PTPRD: variants seen among roughly 807,000 people sequenced by gnomAD.
PTPRD encodes the protein receptor-type tyrosine-protein phosphatase delta.
Under a neutral mutation model 214.5 loss-of-function variants are expected in PTPRD, and 34 were observed. The ratio of observed to expected loss-of-function variants is 0.16; its 90% CI spans 0.12 to 0.21. PTPRD has a LOEUF of 0.21. Ranked by LOEUF, PTPRD falls within the 10% of genes least tolerant of loss-of-function variation. PTPRD has a pLI of 1.00. For missense variants in PTPRD, 2,545 were observed against 2,398.7 expected (o/e 1.06, Z -1.27); for synonymous variants, 1,128 against 845.7 (o/e 1.33, Z -5.79).
At chr9:10,163,972 A>G (rs2099143853) in intron 3 of PTPRD, among the ~76,000 whole-genome samples, 1 of 151,480 alleles carries the variant, frequency 6.6e-6, no homozygotes. Context: ...ATTGTAGTCT[A>G]TATGGCAATG....
At chr9:8,382,930 G>A (rs1345876637) in intron 37 of PTPRD, among the ~76,000 whole-genome samples, 2 of 152,164 alleles carry the variant, frequency 1.3e-5, no homozygotes, top group East Asian at 1.9e-4. Context: ...ACACAAACCT[G>A]GCATTTGGAA....
chr9:9,096,190 G>A (rs2099783249), intron 10 of PTPRD, among the ~76,000 whole-genome samples: 1 of 152,156 alleles, frequency 6.6e-6, no homozygotes, highest in African/African-American at 2.4e-5. Flanking sequence ...AATTGTATTT[G>A]ACATGAGATT....
At chr9:10,168,901 A>G (rs1007499513) in intron 3 of PTPRD, among the ~76,000 whole-genome samples, 46 of 152,330 alleles carry the variant, frequency 3.0e-4, no homozygotes, top group African/African-American at 1.0e-3. Context: ...TAGGGCAAAC[A>G]GAATTTAATT....
chr9:8,681,334 A>T (rs896733105), intron 12 of PTPRD, among the ~76,000 whole-genome samples: 6 of 152,222 alleles, frequency 3.9e-5, no homozygotes, highest in Admixed American at 3.3e-4. Flanking sequence ...AGAAACTGAG[A>T]GAACTATAGC....
intron 3 of PTPRD, among the ~76,000 whole-genome samples, chr9:10,150,711 A>C (rs1026468560): frequency 2.7e-5 from 4 of 146,518 alleles, no homozygotes; most frequent in Non-Finnish European, 5.9e-5. Flanking sequence ...AAAAAGAAAC[A>C]AAAAAAAAGA....
At chr9:9,336,019 G>C (rs1443120297) in intron 9 of PTPRD, among the ~76,000 whole-genome samples, 3 of 151,862 alleles carry the variant, frequency 2.0e-5, no homozygotes, top group African/African-American at 7.3e-5. Flanking sequence ...AGGAAAAAAT[G>C]CACAAACTCA....
At chr9:8,823,672 AAAAGGAAAGGG>A (rs371862917) in intron 11 of PTPRD, among the ~76,000 whole-genome samples, 1,539 of 116,164 alleles carry the variant, frequency 0.013, 22 homozygotes, top group African/African-American at 0.05. Flanking sequence ...AGGGAAAGGG[AAAAGGAAAGGG>A]AAAGGAAAGG....
At chr9:9,505,106 C>T (rs951693263) in intron 8 of PTPRD, among the ~76,000 whole-genome samples, 2 of 151,522 alleles carry the variant, frequency 1.3e-5, no homozygotes, top group South Asian at 2.1e-4. Flanking sequence ...GATTGCCCTT[C>T]TGGACTTTTC....
At chr9:10,047,101 G>A (rs774379955) in intron 3 of PTPRD, among the ~76,000 whole-genome samples, 2 of 151,748 alleles carry the variant, frequency 1.3e-5, no homozygotes, top group Non-Finnish European at 2.9e-5. Flanking sequence ...CTCACCTATA[G>A]TTTGAATATT....
At chr9:8,358,012 T>C (rs376628709) in intron 39 of PTPRD, among the ~76,000 whole-genome samples, 3 of 152,340 alleles carry the variant, frequency 2.0e-5, no homozygotes, top group African/African-American at 7.2e-5. Context: ...TTTTTTAGTC[T>C]ATACATACAG....
In PTPRD at chr9:10,441,547, G is replaced by C. The variant is rs2098758359; in HGVS notation, c.-599-100530C>G. Among the ~76,000 whole-genome samples, 3 of 148,478 alleles carry C rather than the reference G, an allele frequency of 2.0e-5. No individual in the cohort carries two copies. The Admixed American group carries it at 2.0e-4, about 10-fold the overall frequency. ...AAACTTTCCAATTGCTTCCAATAAA[G>C]TATTTTTTTTTCCTTTCTGTTCTCA... On this transcript the variant is annotated intron_variant, in intron 2 of 45. Transcript: ENST00000381196.
chr9:10,420,755 T>A (rs1178856214), intron 2 of PTPRD, among the ~76,000 whole-genome samples: 1 of 151,944 alleles, frequency 6.6e-6, no homozygotes, highest in Non-Finnish European at 1.5e-5. Flanking sequence ...ATTTTCTTAT[T>A]CATTCTAAAG....
intron 4 of PTPRD, among the ~76,000 whole-genome samples, chr9:9,943,955 T>A (rs1440793642): frequency 6.6e-6 from 1 of 152,190 alleles, no homozygotes; most frequent in East Asian, 1.9e-4. Context: ...CCTACATATT[T>A]CATTAACAGC....
At chr9:9,120,829 C>G (rs555515694) in intron 10 of PTPRD, among the ~76,000 whole-genome samples, 1 of 152,260 alleles carries the variant, frequency 6.6e-6, no homozygotes, top group East Asian at 1.9e-4. Context: ...TAGATTGTGA[C>G]AGCTAAGTCT....
At chr9:8,834,007 A>C (rs975680917) in intron 11 of PTPRD, among the ~76,000 whole-genome samples, 1 of 151,404 alleles carries the variant, frequency 6.6e-6, no homozygotes, top group African/African-American at 2.4e-5. Flanking sequence ...AATTTTTATA[A>C]TTTCTCACAT....
chr9:10,410,253 G>GTATATATATATATATATATATA (rs34284610), intron 2 of PTPRD, among the ~76,000 whole-genome samples: 174 of 126,806 alleles, frequency 1.4e-3, no homozygotes, highest in East Asian at 4.9e-3. Flanking sequence ...CATATTTTGT[G>GTATATATATATATATATATATA]TATATATATA....
chr9:10,148,086 T>G (rs544044568), intron 3 of PTPRD, among the ~76,000 whole-genome samples: 1 of 152,198 alleles, frequency 6.6e-6, no homozygotes, highest in African/African-American at 2.4e-5. Flanking sequence ...CACCACCACC[T>G]TTCACTATTT....
chr9:10,290,489 T>G (rs2095496288), intron 3 of PTPRD, among the ~76,000 whole-genome samples: 1 of 152,182 alleles, frequency 6.6e-6, no homozygotes, highest in Non-Finnish European at 1.5e-5. Context: ...ACAGTGCAGC[T>G]TAATTCTGGA....
chr9:8,333,706 T>C (rs753389309), intron 43 of PTPRD, among the ~76,000 whole-genome samples: 3 of 152,080 alleles, frequency 2.0e-5, no homozygotes, highest in Non-Finnish European at 4.4e-5. Context: ...TATAACAATA[T>C]TAACCTTAAA....
Sources: gnomAD v4.1 joint callset for allele counts (sites outside exome capture counted in the v4.1 genomes callset) on GRCh38, gnomAD v4.1.1 for gene constraint, MANE v1.5 for transcripts, NCBI Gene and HGNC (gene_info 2026-07-23, HGNC 2026-07-21) for gene names.